The following CSF1R variants were observed in gnomAD, a reference collection of about 807,000 sequenced individuals.
The protein encoded by CSF1R is colony stimulating factor 1 receptor.
CSF1R carries 40 observed loss-of-function variants against 110.0 expected under a neutral mutation model. The ratio of observed to expected loss-of-function variants is 0.36; its 90% CI spans 0.28 to 0.47. The LOEUF is 0.47. CSF1R is among the 20% of genes least tolerant of loss of function. CSF1R has a pLI of 0.99. For synonymous variants in CSF1R, 523 were observed against 503.4 expected (o/e 1.04, Z -0.52); for missense variants, 1,052 against 1,253.0 (o/e 0.84, Z 2.42).
intron 1 of CSF1R, chr5:150,094,818 G>A (rs990757972): frequency 6.7e-6 from 9 of 1,352,100 alleles, no homozygotes; most frequent in African/African-American, 4.5e-5. Context: ...GACAGATAAC[G>A]CTTTGATTGC....
At chr5:150,090,679 T>C (rs1374004733), upstream of CSF1R, among the ~76,000 whole-genome samples, 1 of 152,196 alleles carries the variant, frequency 6.6e-6, no homozygotes, top group Non-Finnish European at 1.5e-5. Context: ...ATGAAAGTTG[T>C]AGTGTTGCCT....
upstream of CSF1R, among the ~76,000 whole-genome samples, chr5:150,089,406 T>C (rs1758964121): frequency 6.6e-6 from 1 of 152,214 alleles, no homozygotes; most frequent in African/African-American, 2.4e-5. Flanking sequence ...CGTAACTCTA[T>C]AGTACTGATA....
At chr5:150,097,061 A>C (rs534982581) in intron 1 of CSF1R, among the ~76,000 whole-genome samples, 8 of 152,322 alleles carry the variant, frequency 5.3e-5, no homozygotes, top group African/African-American at 1.9e-4. Context: ...CAGGAGTTTG[A>C]GACCAGCCTG....
At chr5:150,062,941 C>G (rs778445030) in intron 10 of CSF1R, among the ~76,000 whole-genome samples, 1 of 152,066 alleles carries the variant, frequency 6.6e-6, no homozygotes, top group African/African-American at 2.4e-5. Flanking sequence ...AGGCAGCCAT[C>G]ATGGCTTGAG....
chr5:150,092,642 C>G (rs1759084339), intron 1 of CSF1R, among the ~76,000 whole-genome samples: 2 of 152,220 alleles, frequency 1.3e-5, no homozygotes, highest in African/African-American at 4.8e-5. Flanking sequence ...AGGGGAACTC[C>G]CATTTATAAA....
rs761813994 is a variant in CSF1R, at chr5:150,068,362, C to T, written c.1511-32G>A. ...GGCATGAAGCAAAGCAGTGAGCAGG[C>T]AGGGGTGCCTCCGAGCCCCCTGAGG... On this transcript the variant is annotated intron_variant, in intron 9 of 20. Coordinates refer to ENST00000675795, the MANE Select transcript of CSF1R (RefSeq NM_001288705.3). The T allele has an allele frequency of 2.6e-6, 4 of 1,561,030 alleles. No individual in the cohort carries two copies. In the Admixed American group the frequency reaches 5.0e-5, roughly 20 times the overall value.
At chr5:150,089,608 G>A (rs569860298), upstream of CSF1R, among the ~76,000 whole-genome samples, 5 of 152,108 alleles carry the variant, frequency 3.3e-5, no homozygotes, top group Non-Finnish European at 5.9e-5. Context: ...ATAAGACAGC[G>A]GTACTCTCAA....
At chr5:150,064,211 A>G (rs1211081801) in intron 10 of CSF1R, among the ~76,000 whole-genome samples, 1 of 152,206 alleles carries the variant, frequency 6.6e-6, no homozygotes, top group Non-Finnish European at 1.5e-5. Context: ...GCTCAGTAGC[A>G]GGTGATGGGA....
intron 1 of CSF1R, 38 bp downstream of exon 1, chr5:150,086,341 A>G (rs765178712): frequency 2.2e-5 from 34 of 1,575,696 alleles, no homozygotes; most frequent in Non-Finnish European, 5.2e-6. Context: ...TCTCCATCAC[A>G]CCCCAACAAA....
Position 150,053,819 on chromosome 5 carries a change from A to G in CSF1R, c.*250T>C, listed in dbSNP as rs1010371400. ...GCATAGCAAACACGAGGCCAACACC[A>G]TGAGAACAGTAGGGGAGGGGGGGGT... On this transcript the variant is annotated 3_prime_UTR_variant, in exon 21 of 21. Coordinates refer to ENST00000675795, the MANE Select transcript of CSF1R (RefSeq NM_001288705.3). 8.8e-5 allele frequency: 49 copies of G among 556,024 alleles called. No homozygotes were observed. The highest frequency in any genetic ancestry group is 1.4e-4 in the Non-Finnish European group (44 of 312,796). The allele number at this position is 556,024 out of a possible 1,614,324, so 34.4% of individuals were successfully genotyped here.
upstream of CSF1R, among the ~76,000 whole-genome samples, chr5:150,088,657 C>T (rs1008841021): frequency 6.6e-6 from 1 of 152,082 alleles, no homozygotes; most frequent in Non-Finnish European, 1.5e-5. Flanking sequence ...CCTCAAACTC[C>T]CGAGTAGCTG....
At chr5:150,095,288 A>G (rs1050573414) in intron 1 of CSF1R, among the ~76,000 whole-genome samples, 4 of 152,170 alleles carry the variant, frequency 2.6e-5, no homozygotes, top group Admixed American at 2.0e-4. Flanking sequence ...TAAATGATTG[A>G]CCTAATTGAT....
intron 14 of CSF1R, among the ~76,000 whole-genome samples, chr5:150,058,710 T>C (rs1581285010): frequency 6.6e-6 from 1 of 151,938 alleles, no homozygotes; most frequent in Non-Finnish European, 1.5e-5. Context: ...TTTAAGGCCC[T>C]GGGTGAAGAG....
At chr5:150,058,016 G>T (rs1426322011) in intron 14 of CSF1R, 3 of 359,350 alleles carry the variant, frequency 8.3e-6, no homozygotes, top group Non-Finnish European at 1.6e-5. Flanking sequence ...ATCACTTCGG[G>T]AGCTTTTAGG....
At chr5:150,101,722 T>C (rs1264949884) in intron 1 of CSF1R, among the ~76,000 whole-genome samples, 1 of 150,990 alleles carries the variant, frequency 6.6e-6, no homozygotes, top group Non-Finnish European at 1.5e-5. Context: ...AGAGATACAC[T>C]GTCCCCATAA....
chr5:150,059,621 A>T (rs1248033215), intron 14 of CSF1R, 79 bp downstream of exon 14: 51 of 1,559,130 alleles, frequency 3.3e-5, no homozygotes, highest in Non-Finnish European at 7.9e-6. Context: ...GAGCCATCCA[A>T]CCCTGAGCTG....
At chr5:150,079,905 T>A in intron 3 of CSF1R, 147 bp downstream of exon 3, 1 of 1,003,592 alleles carries the variant, frequency 1.0e-6, no homozygotes, top group Non-Finnish European at 1.4e-6. Context: ...CCATAGATGA[T>A]CGTGGAACCA....
intron 3 of CSF1R, 22 bp downstream of exon 3, chr5:150,080,030 C>A (rs772239258): frequency 1.2e-5 from 19 of 1,604,168 alleles, no homozygotes; most frequent in Non-Finnish European, 1.4e-5. Flanking sequence ...GGCCTGGCTG[C>A]CGGTCCCCAT....
At position 150,070,170 on chromosome 5, in the gene CSF1R, G is replaced by A. The variant is rs374820982; in HGVS notation, c.1319+12C>T. 5.1e-5 allele frequency: 82 copies of A among 1,612,792 alleles called. No individual in the cohort carries two copies. Among genetic ancestry groups the A allele is most frequent in the Non-Finnish European group, 6.3e-5 (74 of 1,179,290 alleles). On this transcript the variant is annotated intron_variant, in intron 8 of 20. Coordinates refer to ENST00000675795, the MANE Select transcript of CSF1R (RefSeq NM_001288705.3). ...TGAGCCCAGGTGAGGGAGGTGAGTG[G>A]AGCCCACTTACCTATCAGTGTGGCC...
Sources: allele counts gnomAD v4.1 joint callset (sites outside exome capture counted in the v4.1 genomes callset), GRCh38; gene constraint gnomAD v4.1.1; transcripts MANE v1.5; gene names NCBI Gene and HGNC (gene_info 2026-07-23, HGNC 2026-07-21).